The following ZNF385D variants were observed in gnomAD, a reference collection of about 807,000 sequenced individuals.
The protein encoded by ZNF385D is zinc finger protein 385D.
ZNF385D carries 15 observed loss-of-function variants against 35.8 expected under a neutral mutation model. The observed-to-expected ratio is 0.42, with a 90% CI of 0.28 to 0.64. ZNF385D has a LOEUF of 0.64. Among genes scored for constraint, ZNF385D ranks in the 30% least tolerant of loss-of-function variants. ZNF385D has a pLI of 0.23. For missense variants in ZNF385D, 474 were observed against 494.6 expected (o/e 0.96, Z 0.39); for synonymous variants, 212 against 186.8 (o/e 1.13, Z -1.10).
intron 4 of ZNF385D, among the ~76,000 whole-genome samples, chr3:21,510,544 T>C (rs145362428): frequency 6.6e-6 from 1 of 152,248 alleles, no homozygotes; most frequent in Non-Finnish European, 1.5e-5. Flanking sequence ...GCATACAAGA[T>C]GCAAATGCTG....
At chr3:22,274,779 T>A (rs1347697529) in intron 2 of ZNF385D, among the ~76,000 whole-genome samples, 1 of 125,120 alleles carries the variant, frequency 8.0e-6, no homozygotes, top group African/African-American at 3.5e-5. Flanking sequence ...CCAACGAAGT[T>A]AGTACTTTTT....
intron 2 of ZNF385D, among the ~76,000 whole-genome samples, chr3:21,583,019 G>A (rs141417001): frequency 1.6e-3 from 240 of 152,088 alleles, no homozygotes; most frequent in Non-Finnish European, 2.7e-3. Flanking sequence ...GCCCTCCTCG[G>A]CCTCCCAAAG....
intron 3 of ZNF385D, among the ~76,000 whole-genome samples, chr3:21,890,574 G>A (rs898636568): frequency 3.9e-5 from 6 of 152,052 alleles, no homozygotes; most frequent in African/African-American, 1.4e-4. Context: ...AGCCAAGATC[G>A]CGCCACTGCA....
chr3:21,579,725 G>GTCAAA (rs369086727), intron 2 of ZNF385D: 1 of 148,938 alleles, frequency 6.7e-6, no homozygotes, highest in African/African-American at 2.4e-5. Flanking sequence ...TCCAGGTGCT[G>GTCAAA]TCAAATCCAT....
intron 2 of ZNF385D, among the ~76,000 whole-genome samples, chr3:22,223,503 G>A (rs745344095): frequency 1.2e-4 from 19 of 152,140 alleles, no homozygotes; most frequent in Non-Finnish European, 2.4e-4. Context: ...AATTGGGGGT[G>A]TAATAGTGAG....
At position 21,460,418 on chromosome 3, in the gene ZNF385D, AT is replaced by A. The variant is rs1559311850; in HGVS notation, c.440-23216del. On this transcript the variant is annotated intron_variant, in intron 4 of 7. Coordinates refer to ENST00000281523, the MANE Select transcript of ZNF385D (RefSeq NM_024697.3). ...AGTGGGTGGATAATGAATATTTGTC[AT>A]TTAACTTTGATTATGCTAAACTATA... is the stretch of plus-strand genomic sequence containing the variant. Among the ~76,000 whole-genome samples the A allele has an allele frequency of 3.3e-5, 5 of 152,346 alleles. No homozygotes were observed. The Middle Eastern group carries it at 0.01, about 311-fold the overall frequency.
chr3:22,097,649 G>A (rs964730443), intron 3 of ZNF385D, among the ~76,000 whole-genome samples: 1 of 152,052 alleles, frequency 6.6e-6, no homozygotes, highest in Non-Finnish European at 1.5e-5. Context: ...AGAAAGGCCA[G>A]TATGTGATTT....
intron 3 of ZNF385D, among the ~76,000 whole-genome samples, chr3:22,104,818 T>C (rs1311008496): frequency 6.6e-6 from 1 of 152,154 alleles, no homozygotes; most frequent in Non-Finnish European, 1.5e-5. Context: ...AAGTCCATTG[T>C]CTGAAATCAA....
At chr3:21,987,464 A>C (rs1463039422) in intron 3 of ZNF385D, among the ~76,000 whole-genome samples, 1 of 120,648 alleles carries the variant, frequency 8.3e-6, no homozygotes, top group East Asian at 2.2e-4. Context: ...CTGGGTTGAA[A>C]ATTCTTTTCT....
At chr3:22,333,364 A>G (rs1695023398) in intron 2 of ZNF385D, among the ~76,000 whole-genome samples, 1 of 152,040 alleles carries the variant, frequency 6.6e-6, no homozygotes, top group South Asian at 2.1e-4. Context: ...TCACACATAT[A>G]TTTCACCGTA....
chr3:22,318,693 A>C (rs1334472798), intron 2 of ZNF385D, among the ~76,000 whole-genome samples: 1 of 151,092 alleles, frequency 6.6e-6, no homozygotes, highest in Admixed American at 6.6e-5. Context: ...AATACAAGAC[A>C]AGAAGAAAAA....
At chr3:21,620,426 G>A (rs1163530949) in intron 2 of ZNF385D, among the ~76,000 whole-genome samples, 1 of 152,060 alleles carries the variant, frequency 6.6e-6, no homozygotes, top group East Asian at 1.9e-4. Flanking sequence ...ACAAGATTGG[G>A]GTGAGATTTT....
chr3:22,136,549 A>G (rs1704128025), intron 3 of ZNF385D, among the ~76,000 whole-genome samples: 1 of 152,204 alleles, frequency 6.6e-6, no homozygotes, highest in Non-Finnish European at 1.5e-5. Context: ...GAATGCTATA[A>G]AATCAATAAT....
chr3:21,548,155 C>T (rs2062443767), intron 3 of ZNF385D, among the ~76,000 whole-genome samples: 1 of 152,140 alleles, frequency 6.6e-6, no homozygotes. Flanking sequence ...GCTTTACTCA[C>T]CCTTTACGCC....
intron 3 of ZNF385D, among the ~76,000 whole-genome samples, chr3:21,894,207 A>G (rs550185009): frequency 1.8e-4 from 28 of 152,298 alleles, no homozygotes; most frequent in African/African-American, 6.7e-4. Flanking sequence ...AAACAACAGT[A>G]TTACCTCTAT....
chr3:21,777,406 A>C (rs2125627646), intron 3 of ZNF385D, among the ~76,000 whole-genome samples: 1 of 151,988 alleles, frequency 6.6e-6, no homozygotes, highest in South Asian at 2.1e-4. Context: ...GTGAGAGGAG[A>C]TGGGCAAAGC....
At chr3:22,306,491 T>G (rs575819446) in intron 2 of ZNF385D, among the ~76,000 whole-genome samples, 4 of 152,184 alleles carry the variant, frequency 2.6e-5, no homozygotes, top group Non-Finnish European at 5.9e-5. Flanking sequence ...TCTACAATAA[T>G]AGAGAAAGAA....
chr3:21,946,768 G>A (rs1191886540), intron 3 of ZNF385D, among the ~76,000 whole-genome samples: 1 of 152,180 alleles, frequency 6.6e-6, no homozygotes, highest in Non-Finnish European at 1.5e-5. Context: ...AGAGGCGGAG[G>A]TTGCAGTGAG....
chr3:22,039,754 A>G (rs1698552194), intron 3 of ZNF385D, among the ~76,000 whole-genome samples: 4 of 152,132 alleles, frequency 2.6e-5, no homozygotes, highest in Non-Finnish European at 5.9e-5. Flanking sequence ...ATTGCTTAAA[A>G]AAGAGTTCTT....
Sources: allele counts gnomAD v4.1 joint callset (sites outside exome capture counted in the v4.1 genomes callset), GRCh38; gene constraint gnomAD v4.1.1; transcripts MANE v1.5; gene names NCBI Gene and HGNC (gene_info 2026-07-23, HGNC 2026-07-21).